ZNF804B: variants seen among roughly 807,000 people sequenced by gnomAD.
ZNF804B encodes zinc finger protein 804B, also known as zinc finger 804B.
A neutral mutation model predicts 101.4 loss-of-function variants in ZNF804B; 80 were observed. The observed-to-expected ratio is 0.79, with a 90% CI of 0.66 to 0.95. The LOEUF (loss-of-function observed/expected upper bound fraction) is 0.95, where lower values mean the gene tolerates loss of function less well. Among genes scored for constraint, ZNF804B ranks in the 40% least tolerant of loss-of-function variants. The pLI, the probability that ZNF804B is intolerant of heterozygous loss-of-function variation, is 0.00. For missense variants in ZNF804B, 1,673 were observed against 1,561.9 expected (o/e 1.07, Z -1.20); for synonymous variants, 622 against 558.8 (o/e 1.11, Z -1.59).
chr7:89,295,695 T>TA (rs1790371439), intron 2 of ZNF804B, among the ~76,000 whole-genome samples: 1 of 152,106 alleles, frequency 6.6e-6, no homozygotes, highest in Non-Finnish European at 1.5e-5. Context: ...CTCAAGGTCC[T>TA]AAAAATATAT....
chr7:89,152,929 T>G (rs536637781), intron 1 of ZNF804B, among the ~76,000 whole-genome samples: 1 of 152,118 alleles, frequency 6.6e-6, no homozygotes, highest in Non-Finnish European at 1.5e-5. Context: ...GCCACCTTTG[T>G]CTTTAAACAT....
chr7:89,208,314 C>T (rs1233185468), intron 1 of ZNF804B, among the ~76,000 whole-genome samples: 2 of 152,230 alleles, frequency 1.3e-5, no homozygotes, highest in South Asian at 4.2e-4. Flanking sequence ...AATCTCCTGA[C>T]CTCGTGATCC....
intron 1 of ZNF804B, among the ~76,000 whole-genome samples, chr7:89,130,274 A>G (rs551489565): frequency 1.6e-4 from 24 of 152,018 alleles, no homozygotes; most frequent in Non-Finnish European, 3.2e-4. Context: ...GCCATCCTAA[A>G]AGGGACTTGC....
intron 1 of ZNF804B, among the ~76,000 whole-genome samples, chr7:89,154,726 G>A (rs186365717): frequency 1.3e-5 from 2 of 152,160 alleles, no homozygotes; most frequent in Non-Finnish European, 2.9e-5. Context: ...AGAGTAATGG[G>A]GGGCTGGGAG....
intron 2 of ZNF804B, among the ~76,000 whole-genome samples, chr7:89,232,615 T>C (rs1789209544): frequency 6.6e-6 from 1 of 152,192 alleles, no homozygotes; most frequent in South Asian, 2.1e-4. Context: ...TTTCTGTCTT[T>C]GTGTAGGTAT....
chr7:88,960,462 T>G (rs1259895176), intron 1 of ZNF804B, among the ~76,000 whole-genome samples: 1 of 151,118 alleles, frequency 6.6e-6, no homozygotes, highest in Admixed American at 6.6e-5. Context: ...AAAAAGTTAT[T>G]TGAGATATTT....
intron 2 of ZNF804B, among the ~76,000 whole-genome samples, chr7:89,273,913 A>G (rs56217429): frequency 0.29 from 42,934 of 148,538 alleles, 6,263 homozygotes; most frequent in South Asian, 0.35. Context: ...GTTACACATT[A>G]ATCTCAATAA....
chr7:88,981,409 C>T (rs1793692853), intron 1 of ZNF804B, among the ~76,000 whole-genome samples: 1 of 152,056 alleles, frequency 6.6e-6, no homozygotes, highest in Non-Finnish European at 1.5e-5. Flanking sequence ...CCTCTCCTCT[C>T]CTCAGGTGGA....
In ZNF804B at chr7:89,110,724, A is replaced by G. The variant is rs143251829; in HGVS notation, c.109-107431A>G. ...ATTGATACATTATTAACTACAGTCA[A>G]TAGTTTACATCGGGTTTCAGTCTTT... On this transcript the variant is annotated intron_variant, in intron 1 of 3. Transcript: ENST00000333190. Among the ~76,000 whole-genome samples, 5 of 152,298 alleles carry G rather than the reference A, an allele frequency of 3.3e-5. No homozygotes were observed. The East Asian group carries it at 9.6e-4, about 29-fold the overall frequency.
rs1224450176 is a variant in ZNF804B, at chr7:88,920,910, A to G, written c.108+160826A>G. Among the ~76,000 whole-genome samples the G allele has an allele frequency of 2.6e-5, 4 of 152,158 alleles. No individual in the cohort carries two copies. In the South Asian group the frequency reaches 6.2e-4, roughly 24 times the overall value. On this transcript the variant is annotated intron_variant, in intron 1 of 3. Coordinates refer to ENST00000333190, the MANE Select transcript of ZNF804B (RefSeq NM_181646.5). The stretch of plus-strand genomic sequence containing the variant: ...TGAGTTATGTAAGTATTTGCGTGCA[A>G]CCCATGTCAACAGAGAATAAATTAT...
At chr7:88,834,940 C>G (rs1791189026) in intron 1 of ZNF804B, among the ~76,000 whole-genome samples, 1 of 151,758 alleles carries the variant, frequency 6.6e-6, no homozygotes, top group South Asian at 2.1e-4. Flanking sequence ...AAGGCACCAG[C>G]CCTCTTTGGA....
Position 89,262,122 on chromosome 7 carries a change from C to T in ZNF804B, c.249+43827C>T, listed in dbSNP as rs546187393. On this transcript the variant is annotated intron_variant, in intron 2 of 3. Transcript: ENST00000333190. ...ATACCTTGTGAACTTCCAAAACACT[C>T]ATATTTCCCCCTTTTTCAACTTCGT... Among the ~76,000 whole-genome samples, 316 of 152,326 alleles carry T rather than the reference C, an allele frequency of 2.1e-3. 1 individual carries two copies. Among genetic ancestry groups the T allele is most frequent in the African/African-American group, 7.3e-3 (302 of 41,592 alleles).
intron 1 of ZNF804B, among the ~76,000 whole-genome samples, chr7:89,093,946 C>A (rs1484362838): frequency 6.6e-6 from 1 of 152,220 alleles, no homozygotes; most frequent in Admixed American, 6.5e-5. Flanking sequence ...TACTGATTGG[C>A]AGCTTACCCT....
chr7:89,032,334 A>C (rs1400119881), intron 1 of ZNF804B, among the ~76,000 whole-genome samples: 3 of 151,788 alleles, frequency 2.0e-5, no homozygotes, highest in Admixed American at 6.6e-5. Flanking sequence ...GGAGAGAATG[A>C]GTTAAGGGGG....
intron 2 of ZNF804B, among the ~76,000 whole-genome samples, chr7:89,285,522 C>CAAAAAAAAAAAAAAAAAAAA (rs778078214): frequency 2.2e-4 from 5 of 22,396 alleles, no homozygotes; most frequent in East Asian, 2.9e-3. Flanking sequence ...GACTCTGTCT[C>CAAAAAAAAAAAAAAAAAAAA]AAAAAAAAAA....
At chr7:89,211,968 A>G (rs1389300524) in intron 1 of ZNF804B, among the ~76,000 whole-genome samples, 3 of 152,032 alleles carry the variant, frequency 2.0e-5, no homozygotes, top group African/African-American at 7.2e-5. Context: ...GATTTTTCCT[A>G]TCCATGAGCA....
At chr7:89,198,604 T>C (rs1788588054) in intron 1 of ZNF804B, among the ~76,000 whole-genome samples, 1 of 152,014 alleles carries the variant, frequency 6.6e-6, no homozygotes, top group Non-Finnish European at 1.5e-5. Context: ...AGTTAATACA[T>C]GTAATTACAG....
intron 1 of ZNF804B, among the ~76,000 whole-genome samples, chr7:89,100,017 G>T (rs1790030425): frequency 6.6e-6 from 1 of 152,244 alleles, no homozygotes; most frequent in African/African-American, 2.4e-5. Context: ...GGTTAACAAG[G>T]TGTATTTCAG....
At chr7:88,796,581 G>C (rs983176458) in intron 1 of ZNF804B, among the ~76,000 whole-genome samples, 2 of 151,978 alleles carry the variant, frequency 1.3e-5, no homozygotes, top group African/African-American at 4.8e-5. Context: ...CTCCTCTCCT[G>C]GTTTCTATGA....
Sources: allele counts gnomAD v4.1 joint callset (sites outside exome capture counted in the v4.1 genomes callset), GRCh38; gene constraint gnomAD v4.1.1; transcripts MANE v1.5; gene names NCBI Gene and HGNC (gene_info 2026-07-23, HGNC 2026-07-21).